Variants in SLC11A2 observed in about 807,000 individuals in gnomAD.
SLC11A2 encodes natural resistance-associated macrophage protein 2.
In SLC11A2, 38 loss-of-function variants were observed where a neutral mutation model predicts 68.0. The observed-to-expected ratio is 0.56, with a 90% CI of 0.43 to 0.73. SLC11A2 has a LOEUF of 0.73. Among genes scored for constraint, SLC11A2 ranks in the 30% least tolerant of loss-of-function variants. The probability of loss-of-function intolerance (pLI) is 0.00; values close to 1 mark genes in which losing one functional copy is unlikely to be tolerated. For missense variants in SLC11A2, 517 were observed against 690.5 expected, an observed-to-expected ratio of 0.75 and a Z score of 2.82; for synonymous variants, 242 against 250.6, an observed-to-expected ratio of 0.97 and a Z score of 0.32.
At chr12:51,024,266 C>T (rs1944235119) in intron 1 of SLC11A2, 1 of 152,152 alleles carries the variant, frequency 6.6e-6, no homozygotes, top group African/African-American at 2.4e-5. Flanking sequence ...TTTTTAAGGC[C>T]ATAGGAAGGG....
chr12:50,966,128 GT>G, the SLC11A2 span, among the ~76,000 whole-genome samples: 1 of 152,092 alleles, frequency 6.6e-6, no homozygotes, highest in African/African-American at 2.4e-5. Flanking sequence ...TGCTTTCCTT[GT>G]CTTTGTCAAT....
intron 5 of SLC11A2, among the ~76,000 whole-genome samples, chr12:51,001,785 G>A (rs958364936): frequency 2.0e-5 from 3 of 152,168 alleles, no homozygotes; most frequent in South Asian, 4.1e-4. Context: ...AGTGAGCTAT[G>A]ATCATGCCAC....
chr12:51,019,650 T>A (rs2136395853), intron 1 of SLC11A2, among the ~76,000 whole-genome samples: 1 of 150,740 alleles, frequency 6.6e-6, no homozygotes, highest in African/African-American at 2.4e-5. Flanking sequence ...CCAACTTTTT[T>A]TTTTTTTTTT....
downstream of SLC11A2, among the ~76,000 whole-genome samples, chr12:50,975,201 C>T (rs918590598): frequency 2.2e-4 from 33 of 152,320 alleles, no homozygotes; most frequent in African/African-American, 7.7e-4. Flanking sequence ...TTCTCAGCAC[C>T]ACACTGCACT....
intron 3 of SLC11A2, chr12:51,008,222 AC>A: frequency 3.9e-6 from 1 of 257,274 alleles, no homozygotes; most frequent in Admixed American, 7.6e-5. Context: ...GATTAGATAG[AC>A]AGATAGATAG....
chr12:50,957,909 GGA>G, the SLC11A2 span, among the ~76,000 whole-genome samples: 38 of 147,296 alleles, frequency 2.6e-4, no homozygotes, highest in Middle Eastern at 3.6e-3. Flanking sequence ...AAACAAAAAT[GGA>G]GAGACTACTG....
upstream of SLC11A2, chr12:51,028,227 G>A (rs752893582): frequency 1.3e-5 from 20 of 1,534,712 alleles, no homozygotes; most frequent in Middle Eastern, 3.4e-4. Flanking sequence ...CTTCCTCATG[G>A]TGCAGAACTA....
chr12:50,965,247 G>C, the SLC11A2 span, among the ~76,000 whole-genome samples: 1 of 151,750 alleles, frequency 6.6e-6, no homozygotes, highest in African/African-American at 2.4e-5. Context: ...TTGAGTAGCT[G>C]GGACTACACG....
Position 51,005,408 on chromosome 12 carries a change from C to T in SLC11A2, c.212G>A (p.Trp71Ter). The T allele has an allele frequency of 6.2e-7, 1 of 1,613,886 alleles. No individual in the cohort carries two copies. Among genetic ancestry groups the T allele is most frequent in the Non-Finnish European group, 8.5e-7 (1 of 1,179,908 alleles). The change falls in exon 4 of 16, where the codon TGG (tryptophan) becomes TAG (stop). Residue 71 changes from tryptophan (W) to a stop codon, truncating the protein, a stop_gained. Coordinates refer to ENST00000262052, the MANE Select transcript of SLC11A2 (RefSeq NM_000617.3). LOFTEE classifies it high-confidence loss of function. ...EYSCFSFRKL[W>*]AFTGPGFLMS... ...AAGAAAACCTGGTCCGGTGAAAGCCCAGAGTTTACGAAAGCTAAAACAAGA... is the reference window on the plus strand; with the variant it reads ...AAGAAAACCTGGTCCGGTGAAAGCCTAGAGTTTACGAAAGCTAAAACAAGA...
the SLC11A2 span, chr12:50,953,960 G>A: frequency 8.4e-6 from 10 of 1,187,232 alleles, no homozygotes; most frequent in South Asian, 1.3e-5. Context: ...AATGATTCAC[G>A]GCAACCACAT....
upstream of SLC11A2, among the ~76,000 whole-genome samples, chr12:51,028,886 G>GA (rs1458341212): frequency 6.6e-6 from 1 of 152,032 alleles, no homozygotes. Context: ...TGATGGAAAA[G>GA]AAAAAGAAAG....
rs990329823 is a variant in SLC11A2 at position 50,991,207 on chromosome 12, G to A, written c.1422-259C>T. Among the ~76,000 whole-genome samples, 7 of 152,080 alleles carry A rather than the reference G, an allele frequency of 4.6e-5. No homozygotes were observed. In the East Asian group the frequency reaches 7.7e-4, roughly 17 times the overall value. The stretch of plus-strand genomic sequence containing the variant: ...TAGAGATGCAACAAGGCCTAGAAAC[G>A]CAATGAGCCATTTTATTAACGTTCC... On this transcript the variant is annotated intron_variant, in intron 14 of 15. Transcript: ENST00000262052.
chr12:50,962,956 A>G, the SLC11A2 span, among the ~76,000 whole-genome samples: 1 of 152,184 alleles, frequency 6.6e-6, no homozygotes, highest in Non-Finnish European at 1.5e-5. Context: ...AAGCAACACT[A>G]CTAGTAGTAA....
the SLC11A2 span, among the ~76,000 whole-genome samples, chr12:50,964,384 T>G: frequency 6.6e-6 from 1 of 152,244 alleles, no homozygotes; most frequent in Admixed American, 6.5e-5. Context: ...ACCTGGATTA[T>G]TAGGCATCCT....
In SLC11A2 at chr12:50,992,931, T is replaced by G; in HGVS notation, c.1078-2A>C. The G allele has an allele frequency of 6.2e-7, 1 of 1,613,864 alleles. No homozygotes were observed. The highest frequency in any genetic ancestry group is 8.5e-7 in the Non-Finnish European group (1 of 1,179,930). Reference sequence around the variant, plus strand: ...AAAGTAACATCCCAGCACAACACCCTGTGAGAGGCCAAGAGGAAGGATATG... The same window carrying G: ...AAAGTAACATCCCAGCACAACACCCGGTGAGAGGCCAAGAGGAAGGATATG... On this transcript the variant is annotated splice_acceptor_variant, in intron 11 of 15. Transcript: ENST00000262052. LOFTEE classifies it high-confidence loss of function.
chr12:50,971,243 G>T, the SLC11A2 span, among the ~76,000 whole-genome samples: 1 of 151,088 alleles, frequency 6.6e-6, no homozygotes, highest in Admixed American at 6.6e-5. Context: ...CCCCAAATAG[G>T]GCAAAGTAAT....
At chr12:50,997,679 C>CCAA (rs1941830476) in intron 8 of SLC11A2, among the ~76,000 whole-genome samples, 1 of 44,974 alleles carries the variant, frequency 2.2e-5, no homozygotes, top group African/African-American at 1.2e-4. Context: ...GACTCTGTCT[C>CCAA]AAAAAAAAAA....
At chr12:50,996,693 G>T in intron 9 of SLC11A2, 124 bp downstream of exon 9, 2 of 950,686 alleles carry the variant, frequency 2.1e-6, no homozygotes, top group Non-Finnish European at 3.4e-6. Context: ...AAATGTCCAG[G>T]CTTGGAAAAT....
the SLC11A2 span, among the ~76,000 whole-genome samples, chr12:50,961,558 A>G: frequency 1.3e-5 from 2 of 152,216 alleles, no homozygotes; most frequent in Non-Finnish European, 2.9e-5. Flanking sequence ...CTTTCCTTCC[A>G]AGTTTCAGCA....
Sources: allele counts gnomAD v4.1 joint callset (sites outside exome capture counted in the v4.1 genomes callset), GRCh38; gene constraint gnomAD v4.1.1; transcripts MANE v1.5; gene names NCBI Gene and HGNC (gene_info 2026-07-23, HGNC 2026-07-21).